Variants in ATL2 observed in about 807,000 individuals in gnomAD.
ATL2 encodes atlastin-2.
A neutral mutation model predicts 73.9 loss-of-function variants in ATL2; 31 were observed. The ratio of observed to expected loss-of-function variants is 0.42; its 90% CI spans 0.32 to 0.57. The LOEUF (loss-of-function observed/expected upper bound fraction) is 0.57, where lower values mean the gene tolerates loss of function less well. Ranked by LOEUF, ATL2 falls within the 20% of genes least tolerant of loss-of-function variation. The pLI, the probability that ATL2 is intolerant of heterozygous loss-of-function variation, is 0.14. For missense variants in ATL2, 738 were observed against 702.6 expected (o/e 1.05, Z -0.57); for synonymous variants, 291 against 237.5 (o/e 1.23, Z -2.07).
chr2:38,365,700 G>A (rs1228909808), intron 1 of ATL2, among the ~76,000 whole-genome samples: 1 of 152,078 alleles, frequency 6.6e-6, no homozygotes, highest in Non-Finnish European at 1.5e-5. Flanking sequence ...TTGGGAGGCT[G>A]AGGCAGGAGA....
chr2:38,306,797 C>A (rs1010738386), intron 9 of ATL2, among the ~76,000 whole-genome samples: 1 of 152,102 alleles, frequency 6.6e-6, no homozygotes, highest in African/African-American at 2.4e-5. Context: ...TCTTACTGAA[C>A]TGGGAAAAAA....
intron 12 of ATL2, among the ~76,000 whole-genome samples, chr2:38,297,654 G>C (rs1056139702): frequency 6.6e-6 from 1 of 152,110 alleles, no homozygotes; most frequent in Non-Finnish European, 1.5e-5. Flanking sequence ...AATCCCTACG[G>C]GATTGTTCCT....
At chr2:38,306,907 T>C (rs1426260434) in intron 9 of ATL2, among the ~76,000 whole-genome samples, 1 of 152,178 alleles carries the variant, frequency 6.6e-6, no homozygotes, top group African/African-American at 2.4e-5. Context: ...GTACAAACTT[T>C]GAGAAAATGA....
At chr2:38,335,926 C>T (rs1478588118) in intron 2 of ATL2, among the ~76,000 whole-genome samples, 2 of 152,056 alleles carry the variant, frequency 1.3e-5, no homozygotes, top group Non-Finnish European at 2.9e-5. Flanking sequence ...ACTTGGCAGT[C>T]TGAAACAGGA....
At chr2:38,310,505 G>C (rs1361721986) in intron 7 of ATL2, 58 bp from the exon 8 acceptor site, 7 of 1,476,760 alleles carry the variant, frequency 4.7e-6, no homozygotes, top group Non-Finnish European at 4.6e-6. Flanking sequence ...TTTTTTTAAA[G>C]AAAATGCACA....
At chr2:38,306,594 A>C (rs1667460133) in intron 9 of ATL2, among the ~76,000 whole-genome samples, 1 of 152,150 alleles carries the variant, frequency 6.6e-6, no homozygotes, top group Non-Finnish European at 1.5e-5. Flanking sequence ...TCAATCAATC[A>C]ATCAGTCAGT....
chr2:38,333,541 C>G (rs1669124214), intron 2 of ATL2, among the ~76,000 whole-genome samples: 1 of 151,944 alleles, frequency 6.6e-6, no homozygotes, highest in South Asian at 2.1e-4. Flanking sequence ...AATAAATAGC[C>G]TAAATAAAAC....
intron 9 of ATL2, among the ~76,000 whole-genome samples, chr2:38,306,317 A>T (rs1667444375): frequency 6.6e-6 from 1 of 152,222 alleles, no homozygotes; most frequent in African/African-American, 2.4e-5. Flanking sequence ...TCAAACATTT[A>T]AAGAACTAAT....
chr2:38,376,107 C>G (rs1482957501), intron 1 of ATL2: 2 of 1,500,570 alleles, frequency 1.3e-6, no homozygotes, highest in Admixed American at 4.4e-5. Flanking sequence ...TTATCTTGGC[C>G]GTACTTACCA....
chr2:38,358,844 T>C (rs768060375), intron 1 of ATL2, among the ~76,000 whole-genome samples: 12 of 152,192 alleles, frequency 7.9e-5, no homozygotes, highest in East Asian at 1.9e-4. Context: ...CACAAGACTA[T>C]TGCAGCCTGG....
At chr2:38,363,314 G>A (rs1369977237) in intron 1 of ATL2, among the ~76,000 whole-genome samples, 1 of 145,542 alleles carries the variant, frequency 6.9e-6, no homozygotes, top group Non-Finnish European at 1.5e-5. Context: ...TATATGCTCA[G>A]TACTTCTAGA....
At position 38,315,239 on chromosome 2, in the gene ATL2, G is replaced by A. The variant is rs374922734; in HGVS notation, c.654+45C>T. 4.2e-5 allele frequency: 60 copies of A among 1,420,814 alleles called. No individual in the cohort carries two copies. The South Asian group carries it at 5.8e-4, about 14-fold the overall frequency. The allele number at this position is 1,420,814 out of a possible 1,614,324, so 88.0% of individuals were successfully genotyped here. A position where few individuals can be genotyped will look rare whatever the true frequency, so the allele number is the denominator to read the frequency against. On this transcript the variant is annotated intron_variant, in intron 5 of 12. Transcript: ENST00000378954. ...GTACTCTAGTCTGGGGAACAAGAGC[G>A]AAACTCCATCTCAAAAAATAAAAAT...
Position 38,313,137 on chromosome 2 carries a change from C to T in ATL2, c.804+14G>A. ...TGGTGCTTATGTTCTCCTCTTTAAGCATTAGGGTCTTACCTGTAATCTCTT... is the reference window on the plus strand; with the variant it reads ...TGGTGCTTATGTTCTCCTCTTTAAGTATTAGGGTCTTACCTGTAATCTCTT... On this transcript the variant is annotated intron_variant, in intron 7 of 12. Transcript: ENST00000378954. 6.3e-7 allele frequency: 1 copy of T among 1,591,160 alleles called. No homozygotes were observed. The highest frequency in any genetic ancestry group is 8.6e-7 in the Non-Finnish European group (1 of 1,161,536).
At chr2:38,329,414 C>T (rs1215493571) in intron 2 of ATL2, among the ~76,000 whole-genome samples, 1 of 67,274 alleles carries the variant, frequency 1.5e-5, no homozygotes, top group African/African-American at 6.4e-5. Context: ...CAGAGCAAGA[C>T]TCCATCTCCA....
chr2:38,324,975 C>CT (rs1668515759), intron 2 of ATL2, among the ~76,000 whole-genome samples: 2 of 152,160 alleles, frequency 1.3e-5, no homozygotes, highest in African/African-American at 4.8e-5. Context: ...GGCTACACAA[C>CT]AATGTGAACA....
At chr2:38,343,533 A>G (rs774943992) in intron 1 of ATL2, 21 bp from the exon 2 acceptor site, 204 of 1,594,570 alleles carry the variant, frequency 1.3e-4, no homozygotes, top group Non-Finnish European at 1.7e-4. Context: ...AAAAGAAAGA[A>G]ACTGGTTACT....
chr2:38,377,207 C>G lies in ATL2; in HGVS notation c.54G>C (p.Trp18Cys). Residue 18 changes from tryptophan to cysteine, a missense_variant, in exon 1 of 13, where the codon TGG becomes TGC. Trp to Cys is a radical substitution (Grantham distance 215). Coordinates refer to ENST00000378954, the MANE Select transcript of ATL2 (RefSeq NM_001135673.4). ...ARGQQPHQGL[W>C]RRRRTSDPSA... Reference sequence around the variant, plus strand: ...TTGGGTCGCTGGTCCGTCGCCGGCGCCACAGCCCCTGGTGCGGTTGCTGCC... The same window carrying G: ...TTGGGTCGCTGGTCCGTCGCCGGCGGCACAGCCCCTGGTGCGGTTGCTGCC... 2 of 1,609,718 alleles carry G rather than the reference C, an allele frequency of 1.2e-6. No homozygotes were observed. Among genetic ancestry groups the G allele is most frequent in the Non-Finnish European group, 1.7e-6 (2 of 1,178,814 alleles).
intron 1 of ATL2, among the ~76,000 whole-genome samples, chr2:38,361,578 C>T (rs1671019024): frequency 6.6e-6 from 1 of 152,052 alleles, no homozygotes; most frequent in Admixed American, 6.5e-5. Context: ...TTCAACTGCA[C>T]AGTAACATTT....
chr2:38,333,915 C>A (rs571623430), intron 2 of ATL2, among the ~76,000 whole-genome samples: 1 of 152,104 alleles, frequency 6.6e-6, no homozygotes, highest in Non-Finnish European at 1.5e-5. Flanking sequence ...CAATTTAAAA[C>A]CTGCATAGGG....
Sources: gnomAD v4.1 joint callset for allele counts (sites outside exome capture counted in the v4.1 genomes callset) on GRCh38, gnomAD v4.1.1 for gene constraint, MANE v1.5 for transcripts, NCBI Gene and HGNC (gene_info 2026-07-23, HGNC 2026-07-21) for gene names.